Variants in FHIT observed in about 807,000 individuals in gnomAD.
The protein encoded by FHIT is fragile histidine triad diadenosine triphosphatase.
In FHIT, 19 loss-of-function variants were observed where a neutral mutation model predicts 17.9. That is an observed-to-expected ratio of 1.06 (90% CI 0.74 to 1.56). The LOEUF (loss-of-function observed/expected upper bound fraction) is 1.56, where lower values mean the gene tolerates loss of function less well. FHIT is among the 40% of genes most tolerant of loss of function. FHIT has a pLI of 0.00. For missense variants in FHIT, 248 were observed against 189.2 expected, an observed-to-expected ratio of 1.31 and a Z score of -1.82; for synonymous variants, 81 against 69.7, an observed-to-expected ratio of 1.16 and a Z score of -0.81.
intron 2 of FHIT, among the ~76,000 whole-genome samples, chr3:61,135,919 A>C (rs2036902603): frequency 6.6e-6 from 1 of 152,192 alleles, no homozygotes; most frequent in African/African-American, 2.4e-5. Flanking sequence ...AAAGGGAAAA[A>C]CTAAAAGCAT....
At chr3:60,392,966 A>G (rs1701289863) in intron 5 of FHIT, among the ~76,000 whole-genome samples, 1 of 152,144 alleles carries the variant, frequency 6.6e-6, no homozygotes, top group Non-Finnish European at 1.5e-5. Context: ...CAGCTAGGGA[A>G]GCTTCATCAG....
chr3:60,035,031 C>T (rs1701155660), intron 5 of FHIT, among the ~76,000 whole-genome samples: 1 of 152,170 alleles, frequency 6.6e-6, no homozygotes, highest in African/African-American at 2.4e-5. Context: ...TCATTTTCAT[C>T]ATGCTCTGGA....
At chr3:59,927,391 A>C (rs1705714918) in intron 7 of FHIT, among the ~76,000 whole-genome samples, 1 of 152,076 alleles carries the variant, frequency 6.6e-6, no homozygotes. Context: ...GACAATACTA[A>C]AAGAATGAAC....
chr3:60,670,004 T>G (rs1356740477), intron 4 of FHIT, among the ~76,000 whole-genome samples: 1 of 152,208 alleles, frequency 6.6e-6, no homozygotes, highest in Admixed American at 6.5e-5. Context: ...CTTATCACTG[T>G]GTGGATTTGC....
intron 2 of FHIT, among the ~76,000 whole-genome samples, chr3:61,188,430 G>T (rs1351763904): frequency 6.6e-6 from 1 of 152,124 alleles, no homozygotes; most frequent in Non-Finnish European, 1.5e-5. Context: ...TGAAATTGAG[G>T]CAATAAGTAA....
chr3:60,196,630 C>A (rs1702652081), intron 5 of FHIT, among the ~76,000 whole-genome samples: 1 of 151,818 alleles, frequency 6.6e-6, no homozygotes, highest in South Asian at 2.1e-4. Flanking sequence ...GGTTAGGGAC[C>A]ACACACCCGC....
chr3:60,604,032 G>T (rs1553669928), intron 4 of FHIT, among the ~76,000 whole-genome samples: 1 of 152,172 alleles, frequency 6.6e-6, no homozygotes, highest in African/African-American at 2.4e-5. Context: ...TATGTACTAG[G>T]CACTGCTCCA....
At chr3:60,006,218 A>G (rs986336432) in intron 7 of FHIT, among the ~76,000 whole-genome samples, 10 of 152,222 alleles carry the variant, frequency 6.6e-5, no homozygotes, top group African/African-American at 1.9e-4. Flanking sequence ...AAGAAGGCAG[A>G]TTTCTGAATT....
chr3:60,279,669 C>CA (rs1208975711), intron 5 of FHIT, among the ~76,000 whole-genome samples: 1 of 152,124 alleles, frequency 6.6e-6, no homozygotes, highest in African/African-American at 2.4e-5. Flanking sequence ...AAAGCGTCAA[C>CA]AAAATCTTAG....
At chr3:61,226,389 CT>C (rs1350302641) in intron 1 of FHIT, among the ~76,000 whole-genome samples, 2 of 152,084 alleles carry the variant, frequency 1.3e-5, no homozygotes, top group Admixed American at 6.5e-5. Flanking sequence ...CCTTCATGCC[CT>C]GATATGGTTA....
At chr3:60,275,534 T>C (rs1216722570) in intron 5 of FHIT, among the ~76,000 whole-genome samples, 2 of 152,220 alleles carry the variant, frequency 1.3e-5, no homozygotes, top group African/African-American at 4.8e-5. Context: ...CAACAGGTTT[T>C]TCCGGTAGTC....
At chr3:61,247,185 C>A (rs1420841601) in intron 1 of FHIT, among the ~76,000 whole-genome samples, 1 of 152,174 alleles carries the variant, frequency 6.6e-6, no homozygotes, top group Non-Finnish European at 1.5e-5. Flanking sequence ...GTTTAGGATA[C>A]TGAGGGCCTC....
At chr3:60,100,377 C>G (rs1255435617) in intron 5 of FHIT, among the ~76,000 whole-genome samples, 4 of 151,834 alleles carry the variant, frequency 2.6e-5, no homozygotes, top group Non-Finnish European at 4.4e-5. Context: ...GAGCAAGACT[C>G]TGCCTCAAAA....
chr3:59,877,695 T>C (rs56378945), intron 8 of FHIT, among the ~76,000 whole-genome samples: 3,361 of 152,350 alleles, frequency 0.022, 47 homozygotes, highest in South Asian at 0.064. Flanking sequence ...CAGATAATAC[T>C]GGCTATAAGG....
At chr3:60,926,292 C>T (rs1176873418) in intron 3 of FHIT, among the ~76,000 whole-genome samples, 1 of 152,162 alleles carries the variant, frequency 6.6e-6, no homozygotes, top group African/African-American at 2.4e-5. Context: ...CCAAAATTGA[C>T]TACATAGTTG....
chr3:59,981,655 G>A (rs538074817), intron 7 of FHIT, among the ~76,000 whole-genome samples: 1 of 152,172 alleles, frequency 6.6e-6, no homozygotes, highest in South Asian at 2.1e-4. Flanking sequence ...GCACATTAAC[G>A]CAGAGAGATG....
At chr3:60,361,765 T>G (rs939293480) in intron 5 of FHIT, among the ~76,000 whole-genome samples, 2 of 152,210 alleles carry the variant, frequency 1.3e-5, no homozygotes, top group Admixed American at 6.5e-5. Context: ...GAAATAAAAG[T>G]TCTTACCATA....
chr3:59,981,314 C>T (rs185681554), intron 7 of FHIT, among the ~76,000 whole-genome samples: 3 of 152,064 alleles, frequency 2.0e-5, no homozygotes, highest in East Asian at 1.9e-4. Context: ...AAGAACTGAA[C>T]GCTGTCCTGT....
At chr3:60,501,685 T>G (rs1321411487) in intron 5 of FHIT, among the ~76,000 whole-genome samples, 10 of 152,180 alleles carry the variant, frequency 6.6e-5, no homozygotes, top group Non-Finnish European at 1.5e-4. Context: ...TGATGCTCGG[T>G]CCTTTAGAAA....
Sources: gnomAD v4.1 joint callset for allele counts (sites outside exome capture counted in the v4.1 genomes callset) on GRCh38, gnomAD v4.1.1 for gene constraint, MANE v1.5 for transcripts, NCBI Gene and HGNC (gene_info 2026-07-23, HGNC 2026-07-21) for gene names.